Variants in ARHGAP28 observed in about 807,000 individuals in gnomAD.
ARHGAP28 encodes rho GTPase-activating protein 28.
Under a neutral mutation model 90.7 loss-of-function variants are expected in ARHGAP28, and 56 were observed. The ratio of observed to expected loss-of-function variants is 0.62; its 90% CI spans 0.50 to 0.77. The LOEUF is 0.77. ARHGAP28 is among the 30% of genes least tolerant of loss of function. The pLI is 0.00. For synonymous variants in ARHGAP28, 308 were observed against 323.3 expected (o/e 0.95, Z 0.51); for missense variants, 869 against 900.9 (o/e 0.96, Z 0.45).
At chr18:6,903,174 T>C (rs2057346631) in intron 16 of ARHGAP28, among the ~76,000 whole-genome samples, 1 of 152,198 alleles carries the variant, frequency 6.6e-6, no homozygotes, top group East Asian at 1.9e-4. Context: ...TATTGTTTAA[T>C]AGGCGTACAG....
intron 1 of ARHGAP28, among the ~76,000 whole-genome samples, chr18:6,730,503 T>G (rs2055871435): frequency 6.7e-6 from 1 of 148,364 alleles, no homozygotes; most frequent in Non-Finnish European, 1.5e-5. Flanking sequence ...ATTGGTGTCA[T>G]TATTTGATTA....
At chr18:6,866,876 AAG>A (rs1485255809) in intron 5 of ARHGAP28, among the ~76,000 whole-genome samples, 6 of 152,354 alleles carry the variant, frequency 3.9e-5, no homozygotes, top group African/African-American at 1.4e-4. Flanking sequence ...CAATTTTCAA[AAG>A]AGTCTTCTCT....
chr18:6,730,462 A>T (rs533308896), intron 1 of ARHGAP28, among the ~76,000 whole-genome samples: 2 of 152,168 alleles, frequency 1.3e-5, no homozygotes, highest in African/African-American at 4.8e-5. Flanking sequence ...TTTTATTTCT[A>T]CATGTTAAAA....
intron 7 of ARHGAP28, 56 bp from the exon 8 acceptor site, chr18:6,873,353 A>T (rs551375128): frequency 4.7e-6 from 7 of 1,488,038 alleles, no homozygotes; most frequent in Non-Finnish European, 6.4e-6. Context: ...ATTTGAGTGA[A>T]CGCATAATAA....
At position 6,887,154 on chromosome 18, in the gene ARHGAP28, T is replaced by A; in HGVS notation, c.1454-3T>A. 6.2e-7 allele frequency: 1 copy of A among 1,613,600 alleles called. No homozygotes were observed. Among genetic ancestry groups the A allele is most frequent in the Non-Finnish European group, 8.5e-7 (1 of 1,179,514 alleles). The stretch of plus-strand genomic sequence containing the variant: ...TGTATGACTATTTCTGTTTTCTTGT[T>A]AGGAGGGCCTCACGTCAAAGTACAG... On this transcript the variant is annotated splice_polypyrimidine_tract_variant and splice_region_variant and intron_variant, in intron 11 of 17. Coordinates refer to ENST00000383472, the MANE Select transcript of ARHGAP28 (RefSeq NM_001366230.1).
At chr18:6,834,398 A>C (rs930434014) in intron 2 of ARHGAP28, 9 of 152,136 alleles carry the variant, frequency 5.9e-5, no homozygotes, top group African/African-American at 1.4e-4. Flanking sequence ...GTGGCCAGTA[A>C]TTATGAGGTC....
intron 1 of ARHGAP28, among the ~76,000 whole-genome samples, chr18:6,738,728 G>T (rs896873231): frequency 2.6e-5 from 4 of 152,130 alleles, no homozygotes; most frequent in African/African-American, 9.7e-5. Flanking sequence ...GTCAGTGGTT[G>T]GGAGTAAATC....
chr18:6,817,332 C>CAAA (rs34524960), intron 1 of ARHGAP28, among the ~76,000 whole-genome samples: 2 of 147,774 alleles, frequency 1.4e-5, no homozygotes, highest in Non-Finnish European at 3.0e-5. Context: ...AACAAACAAA[C>CAAA]AAAAAAAAAA....
chr18:6,849,788 T>C (rs1413482013), intron 3 of ARHGAP28, among the ~76,000 whole-genome samples: 1 of 152,206 alleles, frequency 6.6e-6, no homozygotes, highest in Non-Finnish European at 1.5e-5. Context: ...GTATTTTTAT[T>C]GTTGGAGAAC....
intron 2 of ARHGAP28, among the ~76,000 whole-genome samples, chr18:6,830,145 A>T (rs2056703734): frequency 6.6e-6 from 1 of 152,036 alleles, no homozygotes; most frequent in Non-Finnish European, 1.5e-5. Flanking sequence ...ACCTCATCTC[A>T]ATTTTTTTCA....
chr18:6,846,364 C>CT (rs1274501028), intron 3 of ARHGAP28, among the ~76,000 whole-genome samples: 1 of 152,056 alleles, frequency 6.6e-6, no homozygotes, highest in East Asian at 1.9e-4. Flanking sequence ...GTGGGGCACT[C>CT]TATCTGGAAG....
chr18:6,824,806 A>G lies in ARHGAP28; in HGVS notation c.167A>G (p.Asn56Ser), dbSNP rs1345150782. The change falls in exon 2 of 18, where the codon AAT becomes AGT. Residue 56 changes from asparagine to serine, a missense_variant. Coordinates refer to ENST00000383472, the MANE Select transcript of ARHGAP28 (RefSeq NM_001366230.1). ...RCRRINRMLS[N>S]ESLHPPAFSR... ...CGAAGAATTAACAGGATGCTCTCCA[A>G]TGAATCCCTCCATCCTCCTGCCTTC... The G allele has an allele frequency of 4.6e-6, 7 of 1,536,232 alleles. No individual in the cohort carries two copies. Among genetic ancestry groups the G allele is most frequent in the East Asian group, 2.4e-5 (1 of 40,904 alleles).
At chr18:6,801,704 C>T (rs1178984784) in intron 1 of ARHGAP28, among the ~76,000 whole-genome samples, 1 of 152,004 alleles carries the variant, frequency 6.6e-6, no homozygotes. Context: ...TTGTAAAGAT[C>T]AAGTCAGTCT....
At chr18:6,881,060 G>A (rs1159326201) in intron 10 of ARHGAP28, among the ~76,000 whole-genome samples, 1 of 152,218 alleles carries the variant, frequency 6.6e-6, no homozygotes, top group Non-Finnish European at 1.5e-5. Flanking sequence ...GATCTTATCA[G>A]TAGAGGTTAG....
intron 1 of ARHGAP28, among the ~76,000 whole-genome samples, chr18:6,766,758 C>A (rs2056202951): frequency 6.6e-6 from 1 of 152,186 alleles, no homozygotes. Context: ...TTACCTTAAT[C>A]TTTCATGGCT....
At chr18:6,870,824 G>A (rs1449554934) in intron 7 of ARHGAP28, 92 bp downstream of exon 7, 10 of 1,337,274 alleles carry the variant, frequency 7.5e-6, no homozygotes, top group Non-Finnish European at 1.0e-5. Flanking sequence ...TTTTGAGACG[G>A]AGTCTCGCTC....
intron 7 of ARHGAP28, 119 bp downstream of exon 7, chr18:6,870,851 A>G (rs1208370775): frequency 1.2e-5 from 13 of 1,103,328 alleles, no homozygotes; most frequent in South Asian, 3.2e-5. Flanking sequence ...CCCAGGCTGG[A>G]GTGCAGTGGC....
chr18:6,886,518 A>G (rs1447999353), intron 11 of ARHGAP28, among the ~76,000 whole-genome samples: 1 of 152,208 alleles, frequency 6.6e-6, no homozygotes, highest in East Asian at 1.9e-4. Context: ...TCCATGGAAG[A>G]TCTAGAATAA....
chr18:6,733,309 G>A (rs1158226992), intron 1 of ARHGAP28, among the ~76,000 whole-genome samples: 1 of 151,990 alleles, frequency 6.6e-6, no homozygotes, highest in African/African-American at 2.4e-5. Flanking sequence ...ATCTTGTCCT[G>A]TTCTGTTTTT....
Sources: allele counts gnomAD v4.1 joint callset (sites outside exome capture counted in the v4.1 genomes callset), GRCh38; gene constraint gnomAD v4.1.1; transcripts MANE v1.5; gene names NCBI Gene and HGNC (gene_info 2026-07-23, HGNC 2026-07-21).